ALG8: variants seen among roughly 807,000 people sequenced by gnomAD.
ALG8 encodes dolichyl pyrophosphate Glc1Man9GlcNAc2 alpha-1,3-glucosyltransferase.
Under a neutral mutation model 70.2 loss-of-function variants are expected in ALG8, and 48 were observed. That is an observed-to-expected ratio of 0.68 (90% CI 0.54 to 0.87). The LOEUF (loss-of-function observed/expected upper bound fraction) is 0.87, where lower values mean the gene tolerates loss of function less well. ALG8 is among the 40% of genes least tolerant of loss of function. ALG8 has a pLI of 0.00. For synonymous variants in ALG8, 234 were observed against 229.0 expected (o/e 1.02, Z -0.20); for missense variants, 572 against 608.7 (o/e 0.94, Z 0.64).
chr11:78,132,131 C>T (rs1245685446), intron 1 of ALG8, among the ~76,000 whole-genome samples: 1 of 152,142 alleles, frequency 6.6e-6, no homozygotes, highest in South Asian at 2.1e-4. Flanking sequence ...TCACCAGTGG[C>T]GTAGAGAAGC....
At chr11:78,118,401 A>C (rs1210775223) in intron 5 of ALG8, among the ~76,000 whole-genome samples, 1 of 151,938 alleles carries the variant, frequency 6.6e-6, no homozygotes, top group Admixed American at 6.6e-5. Context: ...GGAACACTTG[A>C]GGTCAGGAGT....
intron 3 of ALG8, among the ~76,000 whole-genome samples, chr11:78,123,784 A>G (rs1243022061): frequency 6.6e-6 from 1 of 152,188 alleles, no homozygotes; most frequent in Non-Finnish European, 1.5e-5. Flanking sequence ...TTTTCACAAC[A>G]TTCATAATCT....
At chr11:78,134,627 A>G (rs571689536) in intron 1 of ALG8, among the ~76,000 whole-genome samples, 5 of 152,350 alleles carry the variant, frequency 3.3e-5, no homozygotes, top group African/African-American at 9.6e-5. Flanking sequence ...TTTATATAAT[A>G]TTCTAAATCC....
intron 10 of ALG8, among the ~76,000 whole-genome samples, chr11:78,104,908 G>C (rs1859948050): frequency 6.6e-6 from 1 of 151,452 alleles, no homozygotes; most frequent in Non-Finnish European, 1.5e-5. Context: ...AGGATGCAGT[G>C]AGCCGAGATC....
At chr11:78,120,929 A>C in intron 4 of ALG8, 136 bp downstream of exon 4, 1 of 784,656 alleles carries the variant, frequency 1.3e-6, no homozygotes. Flanking sequence ...ACCACAGTTA[A>C]GTGAGCCTAC....
intron 1 of ALG8, chr11:78,135,389 C>G: frequency 6.6e-6 from 1 of 151,582 alleles, no homozygotes; most frequent in Non-Finnish European, 1.5e-5. Context: ...CAACTGGCTG[C>G]AGAATAGATG....
At chr11:78,114,073 T>A (rs886287555) in intron 6 of ALG8, 84 bp from the exon 7 acceptor site, 8 of 1,390,826 alleles carry the variant, frequency 5.8e-6, no homozygotes, top group Non-Finnish European at 8.0e-6. Context: ...AAACTAGAAG[T>A]ATCCCACAAT....
At chr11:78,122,625 A>G (rs1439818113) in intron 3 of ALG8, among the ~76,000 whole-genome samples, 2 of 152,190 alleles carry the variant, frequency 1.3e-5, no homozygotes, top group Admixed American at 6.5e-5. Context: ...TAAAGGCATG[A>G]GACACTATGC....
chr11:78,139,373 G>A, intron 1 of ALG8, 121 bp downstream of exon 1: 2 of 1,000,330 alleles, frequency 2.0e-6, no homozygotes, highest in Admixed American at 2.1e-5. Flanking sequence ...GCAAAGGCAG[G>A]ATAGCGACAA....
chr11:78,138,807 C>T (rs117004385), intron 1 of ALG8: 10,831 of 456,238 alleles, frequency 0.024, 168 homozygotes, highest in Non-Finnish European at 0.033. Context: ...CTGTGGTCTT[C>T]GAAACCCTGT....
intron 5 of ALG8, among the ~76,000 whole-genome samples, chr11:78,118,960 T>C (rs1860701136): frequency 6.6e-6 from 1 of 152,158 alleles, no homozygotes; most frequent in Non-Finnish European, 1.5e-5. Context: ...GCCTGCCGCA[T>C]GCTAACAAGC....
At chr11:78,118,945 T>C (rs1860699727) in intron 5 of ALG8, among the ~76,000 whole-genome samples, 1 of 152,176 alleles carries the variant, frequency 6.6e-6, no homozygotes, top group African/African-American at 2.4e-5. Flanking sequence ...CTCAATTTAA[T>C]TCAGGCCTGC....
In ALG8 at chr11:78,113,879, G is replaced by C; in HGVS notation, c.777+7C>G. The C allele has an allele frequency of 1.7e-6, 2 of 1,206,192 alleles. No homozygotes were observed. The highest frequency in any genetic ancestry group is 2.1e-6 in the Non-Finnish European group (2 of 937,114). 74.7% of individuals were successfully genotyped at this position (1,206,192 alleles called of 1,614,324 possible). A position where few individuals can be genotyped will look rare whatever the true frequency, so the allele number is the denominator to read the frequency against. ...ATTAATTGAAAAAAAAAAAAAAAAA[G>C]GCTTACCAAGGCCAGGAAAGGACCC... On this transcript the variant is annotated splice_region_variant and intron_variant, in intron 7 of 12. Transcript: ENST00000299626.
chr11:78,108,836 C>T (rs999221274), intron 9 of ALG8, among the ~76,000 whole-genome samples: 2 of 152,094 alleles, frequency 1.3e-5, no homozygotes, highest in Non-Finnish European at 1.5e-5. Flanking sequence ...GTGTAATTAT[C>T]GATAGGATTG....
intron 7 of ALG8, 138 bp downstream of exon 7, chr11:78,113,748 A>G: frequency 1.5e-6 from 1 of 679,764 alleles, no homozygotes; most frequent in Non-Finnish European, 2.5e-6. Context: ...ATACTGCCCT[A>G]TCTTTGGGGA....
intron 3 of ALG8, among the ~76,000 whole-genome samples, chr11:78,122,739 G>A (rs1860879132): frequency 6.6e-6 from 1 of 152,106 alleles, no homozygotes; most frequent in African/African-American, 2.4e-5. Flanking sequence ...CTGGAAGCTT[G>A]AATTCAAACA....
intron 3 of ALG8, among the ~76,000 whole-genome samples, chr11:78,123,239 G>GT (rs1314637840): frequency 7.1e-6 from 1 of 141,748 alleles, no homozygotes; most frequent in Non-Finnish European, 1.5e-5. Context: ...CCGAGAGGCA[G>GT]TTGCAGTGAG....
At chr11:78,126,116 G>A (rs1057134588) in intron 2 of ALG8, among the ~76,000 whole-genome samples, 18 of 152,092 alleles carry the variant, frequency 1.2e-4, no homozygotes, top group Non-Finnish European at 1.3e-4. Context: ...CAGAGATCGC[G>A]CCACTGCACT....
At chr11:78,136,352 T>TA (rs1565366266) in intron 1 of ALG8, among the ~76,000 whole-genome samples, 1 of 149,928 alleles carries the variant, frequency 6.7e-6, no homozygotes, top group South Asian at 2.1e-4. Flanking sequence ...TATAGATAGA[T>TA]AGACAGACAG....
Sources: allele counts gnomAD v4.1 joint callset (sites outside exome capture counted in the v4.1 genomes callset), GRCh38; gene constraint gnomAD v4.1.1; transcripts MANE v1.5; gene names NCBI Gene and HGNC (gene_info 2026-07-23, HGNC 2026-07-21).